The following TDRD7 variants were observed in gnomAD, a reference collection of about 807,000 sequenced individuals.
The protein encoded by TDRD7 is tudor domain-containing protein 7.
In TDRD7, 47 loss-of-function variants were observed where a neutral mutation model predicts 109.8. That is an observed-to-expected ratio of 0.43 (90% CI 0.34 to 0.55). The LOEUF is 0.55. TDRD7 is among the 20% of genes least tolerant of loss of function. The pLI is 0.03. For synonymous variants in TDRD7, 424 were observed against 457.3 expected (o/e 0.93, Z 0.93); for missense variants, 1,164 against 1,319.2 (o/e 0.88, Z 1.82).
intron 5 of TDRD7, among the ~76,000 whole-genome samples, chr9:97,439,767 C>A (rs1255429701): frequency 6.6e-6 from 1 of 152,180 alleles, no homozygotes; most frequent in Non-Finnish European, 1.5e-5. Context: ...GTACAGTTAC[C>A]ACTAATCATC....
Position 97,483,118 on chromosome 9 carries a change from C to G in TDRD7, c.2682C>G (p.Ser894Arg). The change falls in exon 15 of 17, where the codon AGC becomes AGG. Residue 894 changes from serine to arginine, a missense_variant. Ser to Arg is a moderately radical substitution (Grantham distance 110, BLOSUM62 -1). Around this residue, in one of 5 missense-constraint regions of TDRD7, gnomAD observed 233 missense variants for 218.0 expected, o/e 1.07. Transcript: ENST00000355295. ...AAAAGTCCATGGTGGACCATACGAG[C>G]GCTTTCTCCACAGAGGAACTGCCAC... The part of the protein sequence containing the change: ...VIKKSMVDHT[S>R]AFSTEELPPP... 6.2e-7 allele frequency: 1 copy of G among 1,614,166 alleles called. No homozygotes were observed. The highest frequency in any genetic ancestry group is 8.5e-7 in the Non-Finnish European group (1 of 1,180,014).
chr9:97,472,264 T>G, intron 9 of TDRD7, 29 bp from the exon 10 acceptor site: 1 of 1,588,514 alleles, frequency 6.3e-7, no homozygotes, highest in Non-Finnish European at 8.6e-7. Context: ...TCTAATTAAG[T>G]AGAAATTAAA....
At chr9:97,484,640 AAG>A (rs1829180682) in intron 15 of TDRD7, among the ~76,000 whole-genome samples, 1 of 152,190 alleles carries the variant, frequency 6.6e-6, no homozygotes, top group Non-Finnish European at 1.5e-5. Context: ...AAGCGTATAA[AAG>A]CTCTCATTTC....
chr9:97,460,232 A>G lies in TDRD7; in HGVS notation c.910A>G (p.Lys304Glu). ...QDLLLYPAKR[K>E]QLLRSELDTE... ...TTTACTTCTTTATCCAGCTAAGAGA[A>G]AGCAGCTTTTGAGAAGTGAACTGGA... Residue 304 changes from lysine to glutamate, a missense_variant, in exon 7 of 17, where the codon AAG becomes GAG. By Grantham distance (56) the Lys-to-Glu change is moderately conservative. Coordinates refer to ENST00000355295, the MANE Select transcript of TDRD7 (RefSeq NM_014290.3). 1 of 1,614,230 alleles carries G rather than the reference A, an allele frequency of 6.2e-7. No homozygotes were observed. The highest frequency in any genetic ancestry group is 8.5e-7 in the Non-Finnish European group (1 of 1,180,050).
In TDRD7 at chr9:97,439,372, A is replaced by G. The variant is rs1828258289; in HGVS notation, c.637+54A>G. On this transcript the variant is annotated intron_variant, in intron 5 of 16. Coordinates refer to ENST00000355295, the MANE Select transcript of TDRD7 (RefSeq NM_014290.3). ...ATATTGGCTTCCGGAGTCAAGAAAC[A>G]TATCTGGTGGTGGCTTTTGACATTT... The G allele has an allele frequency of 1.1e-5, 16 of 1,447,134 alleles. No homozygotes were observed. The Admixed American group carries it at 2.0e-4, about 18-fold the overall frequency. The allele number at this position is 1,447,134 out of a possible 1,614,324, so 89.6% of individuals were successfully genotyped here.
intron 13 of TDRD7, among the ~76,000 whole-genome samples, chr9:97,479,013 C>T (rs915307787): frequency 2.0e-5 from 3 of 151,876 alleles, no homozygotes; most frequent in African/African-American, 2.4e-5. Flanking sequence ...AGATGAACTT[C>T]GGCTGATCCT....
chr9:97,444,701 C>A (rs1828369428), intron 6 of TDRD7, among the ~76,000 whole-genome samples: 1 of 152,002 alleles, frequency 6.6e-6, no homozygotes, highest in Admixed American at 6.5e-5. Context: ...CAGTGTATTT[C>A]TTTTTTTAAG....
At chr9:97,477,581 A>G (rs926451054) in intron 12 of TDRD7, among the ~76,000 whole-genome samples, 3 of 152,148 alleles carry the variant, frequency 2.0e-5, no homozygotes, top group Non-Finnish European at 4.4e-5. Flanking sequence ...ATCAAATTGT[A>G]TATTGTCTAC....
intron 1 of TDRD7, among the ~76,000 whole-genome samples, chr9:97,425,177 G>T (rs575775414): frequency 6.6e-6 from 1 of 152,174 alleles, no homozygotes; most frequent in South Asian, 2.1e-4. Flanking sequence ...GATTACATAG[G>T]TGTGTATATT....
At chr9:97,492,548 CCTGT>C (rs1189740824) in intron 16 of TDRD7, among the ~76,000 whole-genome samples, 5 of 152,212 alleles carry the variant, frequency 3.3e-5, no homozygotes, top group African/African-American at 9.6e-5. Flanking sequence ...AAATTCCTAT[CCTGT>C]CTATGTGACT....
rs745719576 is a variant in TDRD7, at chr9:97,432,052, C to T, written c.377C>T (p.Pro126Leu). Residue 126 changes from proline (P) to leucine (L), a missense_variant, in exon 4 of 17, where the codon CCA (proline) becomes CTA (leucine). This residue lies in a region of TDRD7 where 407 missense variants were observed against 394.0 expected (regional missense o/e 1.03). Coordinates refer to ENST00000355295, the MANE Select transcript of TDRD7 (RefSeq NM_014290.3). ...AAACCAAAAGCAACCCTCAGACAAC[C>T]AGGATTTGCTTCAAATTTTTCTGTT... ...EGKPKATLRQ[P>L]GFASNFSVGK... is the part of the protein sequence containing the mutation. 1.2e-6 allele frequency: 2 copies of T among 1,613,650 alleles called. No individual in the cohort carries two copies. The highest frequency in any genetic ancestry group is 1.7e-5 in the Admixed American group (1 of 59,964).
Position 97,487,214 on chromosome 9 carries a change from G to T in TDRD7, c.2958G>T (p.Leu986=), listed in dbSNP as rs757160995. The change falls in exon 16 of 17, where the codon CTG becomes CTT. Residue 986 remains leucine (L), a synonymous_variant. Coordinates refer to ENST00000355295, the MANE Select transcript of TDRD7 (RefSeq NM_014290.3). ...VLLKGILTNG[L]VSVYELDYGK... The stretch of plus-strand genomic sequence containing the variant: ...TAAAAGGAATCCTGACCAATGGACT[G>T]GTATCTGTGTATGAGCTGGATTATG... 19 of 1,613,842 alleles carry T rather than the reference G, an allele frequency of 1.2e-5. No homozygotes were observed. Among genetic ancestry groups the T allele is most frequent in the Admixed American group, 1.7e-5 (1 of 59,982 alleles).
intron 1 of TDRD7, among the ~76,000 whole-genome samples, chr9:97,420,704 G>T (rs1827885080): frequency 6.6e-6 from 1 of 152,104 alleles, no homozygotes; most frequent in Non-Finnish European, 1.5e-5. Context: ...ATTGTTTCCA[G>T]TTTGGGGGGC....
Position 97,460,723 on chromosome 9 carries a change from A to G in TDRD7, c.1401A>G (p.Val467=), listed in dbSNP as rs1202711880. The change falls in exon 7 of 17, where the codon GTA becomes GTG. Residue 467 remains valine, a synonymous_variant. Coordinates refer to ENST00000355295, the MANE Select transcript of TDRD7 (RefSeq NM_014290.3). ...TTCCAACTGAAGCATCACCATCTGTATTGGTGGTTGAACTGAGCAACACAA... is the reference window on the plus strand; with the variant it reads ...TTCCAACTGAAGCATCACCATCTGTGTTGGTGGTTGAACTGAGCAACACAA... ...LMIPTEASPS[V]LVVELSNTNE... 1.2e-6 allele frequency: 2 copies of G among 1,614,108 alleles called. No homozygotes were observed. Among genetic ancestry groups the G allele is most frequent in the African/African-American group, 2.7e-5 (2 of 74,952 alleles).
intron 16 of TDRD7, among the ~76,000 whole-genome samples, chr9:97,489,522 C>T (rs1005564466): frequency 1.3e-5 from 2 of 152,218 alleles, no homozygotes; most frequent in Non-Finnish European, 1.5e-5. Flanking sequence ...TTTACTTTTA[C>T]TCTATATGTG....
chr9:97,425,673 C>T (rs1356412118), intron 1 of TDRD7, among the ~76,000 whole-genome samples: 1 of 152,066 alleles, frequency 6.6e-6, no homozygotes, highest in Non-Finnish European at 1.5e-5. Context: ...TAGTATAGGG[C>T]TTTTGTAGGT....
intron 8 of TDRD7, among the ~76,000 whole-genome samples, chr9:97,466,796 G>A (rs868454864): frequency 2.6e-5 from 4 of 152,182 alleles, no homozygotes; most frequent in Non-Finnish European, 4.4e-5. Flanking sequence ...AGGAGGTGGA[G>A]GGGGGCTAAT....
At chr9:97,441,583 T>G in intron 5 of TDRD7, 75 bp from the exon 6 acceptor site, 1 of 1,340,844 alleles carries the variant, frequency 7.5e-7, no homozygotes. Flanking sequence ...AACCTGAAGA[T>G]GCAAATATTA....
intron 16 of TDRD7, among the ~76,000 whole-genome samples, chr9:97,494,051 A>G (rs530938667): frequency 6.2e-4 from 95 of 152,310 alleles, no homozygotes; most frequent in South Asian, 2.3e-3. Flanking sequence ...CTCATCTTAC[A>G]AAGATGATGG....
Sources: allele counts gnomAD v4.1 joint callset (sites outside exome capture counted in the v4.1 genomes callset), GRCh38; gene constraint gnomAD v4.1.1; regional missense constraint gnomAD v4.1.1; transcripts MANE v1.5; gene names NCBI Gene and HGNC (gene_info 2026-07-23, HGNC 2026-07-21).